The following ZFR variants were observed in gnomAD, a reference collection of about 807,000 sequenced individuals.
ZFR encodes the protein zinc finger RNA binding protein, also known as zinc finger RNA-binding protein.
ZFR carries 19 observed loss-of-function variants against 130.7 expected under a neutral mutation model. That is an observed-to-expected ratio of 0.15 (90% confidence interval 0.10 to 0.21). The LOEUF is 0.21. Among genes scored for constraint, ZFR ranks in the 10% least tolerant of loss-of-function variants. The pLI is 1.00. For synonymous variants in ZFR, 466 were observed against 456.9 expected (o/e 1.02, Z -0.25); for missense variants, 872 against 1,321.5 (o/e 0.66, Z 5.27).
chr5:32,370,600 C>T (rs759650641), intron 17 of ZFR, among the ~76,000 whole-genome samples: 53 of 152,242 alleles, frequency 3.5e-4, no homozygotes, highest in Non-Finnish European at 6.3e-4. Flanking sequence ...TGGTTTTGAA[C>T]TCCTGGCCTC....
chr5:32,421,772 C>T (rs1753964679), intron 2 of ZFR, among the ~76,000 whole-genome samples: 1 of 152,120 alleles, frequency 6.6e-6, no homozygotes, highest in Non-Finnish European at 1.5e-5. Flanking sequence ...CATAGAATTT[C>T]TATCTGGATG....
chr5:32,381,786 A>T (rs908700687), intron 15 of ZFR, among the ~76,000 whole-genome samples: 3 of 152,176 alleles, frequency 2.0e-5, no homozygotes, highest in Non-Finnish European at 2.9e-5. Flanking sequence ...CATTTAGAGG[A>T]AAGACAGATA....
rs7447187 is a variant in ZFR at position 32,411,714 on chromosome 5, G to C, written c.784+3255C>G. 1.1e-4 allele frequency among the ~76,000 whole-genome samples: 6 copies of C among 54,600 alleles called. 1 individual carries two copies. Among genetic ancestry groups the C allele is most frequent in the Non-Finnish European group, 1.7e-4 (5 of 29,902 alleles). The allele number at this position is 54,600 out of a possible 152,430, so 35.8% of individuals were successfully genotyped here. Reference sequence around the variant, plus strand: ...AAAAAAAAAAAAAAAAATTGAGGGGGGGCGGGGAATAGAAAATATAATACA... The same window carrying C: ...AAAAAAAAAAAAAAAAATTGAGGGGCGGCGGGGAATAGAAAATATAATACA... On this transcript the variant is annotated intron_variant, in intron 5 of 19. Transcript: ENST00000265069.
At chr5:32,407,234 A>C (rs1753597330) in intron 5 of ZFR, among the ~76,000 whole-genome samples, 1 of 151,896 alleles carries the variant, frequency 6.6e-6, no homozygotes, top group East Asian at 1.9e-4. Flanking sequence ...GGTGTTATAG[A>C]GGTATAAAGA....
chr5:32,438,922 C>T (rs13155643), intron 2 of ZFR, among the ~76,000 whole-genome samples: 46,652 of 151,992 alleles, frequency 0.31, 7,423 homozygotes, highest in Middle Eastern at 0.43. Context: ...CTTAGAGAAG[C>T]TGATACTTGG....
At chr5:32,400,904 A>C (rs1753435032) in intron 8 of ZFR, among the ~76,000 whole-genome samples, 1 of 152,224 alleles carries the variant, frequency 6.6e-6, no homozygotes, top group Non-Finnish European at 1.5e-5. Flanking sequence ...AATTAAAAAA[A>C]GTTAAGTTCA....
intron 14 of ZFR, among the ~76,000 whole-genome samples, chr5:32,387,239 T>C (rs912809612): frequency 2.0e-5 from 3 of 152,084 alleles, no homozygotes; most frequent in Admixed American, 6.6e-5. Flanking sequence ...AATCACTTTG[T>C]CCTAACAACT....
chr5:32,441,690 A>T (rs1203781886), intron 2 of ZFR, among the ~76,000 whole-genome samples: 2 of 152,088 alleles, frequency 1.3e-5, no homozygotes, highest in Non-Finnish European at 2.9e-5. Context: ...TCACCACCAC[A>T]CTTTTTGCAT....
chr5:32,355,276 A>T lies in ZFR; in HGVS notation c.*484T>A, dbSNP rs1237360638. Reference sequence around the variant, plus strand: ...AAAACAAACTCTGCAGTCTCACGTTACAAAAAAACGTACTGCTGTAAAATA... The same window carrying T: ...AAAACAAACTCTGCAGTCTCACGTTTCAAAAAAACGTACTGCTGTAAAATA... On this transcript the variant is annotated 3_prime_UTR_variant, in exon 20 of 20. Coordinates refer to ENST00000265069, the MANE Select transcript of ZFR (RefSeq NM_016107.5). The T allele has an allele frequency of 6.6e-6, 1 of 152,282 alleles. No homozygotes were observed. Among genetic ancestry groups the T allele is most frequent in the African/African-American group, 2.4e-5 (1 of 41,458 alleles). 9.4% of individuals were successfully genotyped at this position (152,282 alleles called of 1,614,324 possible).
intron 17 of ZFR, 137 bp downstream of exon 17, chr5:32,378,978 C>T: frequency 1.7e-6 from 1 of 590,466 alleles, no homozygotes; most frequent in Non-Finnish European, 2.9e-6. Flanking sequence ...AAGACTCCCC[C>T]AGGATTTTTC....
rs371146131 is a variant in ZFR, at chr5:32,429,818, T to C, written c.138-9715A>G. Among the ~76,000 whole-genome samples the C allele has an allele frequency of 3.9e-5, 6 of 152,236 alleles. No individual in the cohort carries two copies. The East Asian group carries it at 1.2e-3, about 29-fold the overall frequency. On this transcript the variant is annotated intron_variant, in intron 2 of 19. Transcript: ENST00000265069. The stretch of plus-strand genomic sequence containing the variant: ...GCGCAGTAGCTCATGCTTGTAATCC[T>C]GGCATTTTGGGAGGTCAAAGGGGGA...
chr5:32,428,734 T>C (rs1754132225), intron 2 of ZFR, among the ~76,000 whole-genome samples: 1 of 152,182 alleles, frequency 6.6e-6, no homozygotes, highest in Admixed American at 6.5e-5. Context: ...ATGTTGGTGT[T>C]AGTTCTCAGG....
intron 2 of ZFR, among the ~76,000 whole-genome samples, chr5:32,443,957 G>A (rs1029266229): frequency 1.3e-5 from 2 of 152,048 alleles, no homozygotes; most frequent in African/African-American, 2.4e-5. Flanking sequence ...TTAAGGGGCC[G>A]CTGAAGGGCC....
rs117924355 is a variant in ZFR, at chr5:32,405,395, G to A, written c.1033-1298C>T. On this transcript the variant is annotated intron_variant, in intron 6 of 19. Coordinates refer to ENST00000265069, the MANE Select transcript of ZFR (RefSeq NM_016107.5). ...TAACTCAATCTCAATGATATTTTTC[G>A]CTAAGGCTCATTAACCACCCCCTTA... 8.5e-5 allele frequency among the ~76,000 whole-genome samples: 13 copies of A among 152,108 alleles called. No individual in the cohort carries two copies. The East Asian group carries it at 1.9e-3, about 23-fold the overall frequency.
chr5:32,431,842 G>A (rs1465521961), intron 2 of ZFR, among the ~76,000 whole-genome samples: 1 of 150,894 alleles, frequency 6.6e-6, no homozygotes, highest in Non-Finnish European at 1.5e-5. Flanking sequence ...TTTTTGTTTT[G>A]TTTTTGTTTT....
chr5:32,426,395 GA>G lies in ZFR; in HGVS notation c.138-6293del, dbSNP rs74740582. On this transcript the variant is annotated intron_variant, in intron 2 of 19. Transcript: ENST00000265069. ...CAACATCCTTTTATGATTAAAAAAAGAAAAAAAAAAACCTCAACCAACTAGG... is the reference window on the plus strand; with the variant it reads ...CAACATCCTTTTATGATTAAAAAAAGAAAAAAAAAACCTCAACCAACTAGG... Among the ~76,000 whole-genome samples, 179 of 139,164 alleles carry G rather than the reference GA, an allele frequency of 1.3e-3. No homozygotes were observed. In the East Asian group the frequency reaches 0.016, roughly 13 times the overall value. 91.3% of individuals were successfully genotyped at this position (139,164 alleles called of 152,430 possible).
Position 32,387,551 on chromosome 5 carries a change from C to A in ZFR, c.2497G>T (p.Ala833Ser), listed in dbSNP as rs146415807. The change falls in exon 14 of 20, where the codon GCT becomes TCT. Residue 833 changes from alanine (A) to serine (S), a missense_variant and splice_region_variant. Coordinates refer to ENST00000265069, the MANE Select transcript of ZFR (RefSeq NM_016107.5). ...ATGAACATTTCCATAATACTTACAG[C>A]AAGCTGTTTGGGTAGGTTTTCTGCA... ...RIAENLPKQL[A>S]VISPEKYDIK... 102 of 1,611,698 alleles carry A rather than the reference C, an allele frequency of 6.3e-5. No homozygotes were observed. Among genetic ancestry groups the A allele is most frequent in the Non-Finnish European group, 8.2e-5 (97 of 1,178,980 alleles).
intron 15 of ZFR, chr5:32,383,935 C>T (rs1374961485): frequency 5.9e-6 from 2 of 337,370 alleles, no homozygotes; most frequent in African/African-American, 2.1e-5. Flanking sequence ...TTTTCCTCAT[C>T]ATAATATTTA....
At chr5:32,417,589 G>A (rs178935) in intron 4 of ZFR, 59 bp downstream of exon 4, 1,512,329 of 1,594,786 alleles carry the variant, frequency 0.95, 717,598 homozygotes, top group African/African-American at 0.98. Flanking sequence ...TTCATTAAAC[G>A]CAGTAAGTCA....
Sources: allele counts gnomAD v4.1 joint callset (sites outside exome capture counted in the v4.1 genomes callset), GRCh38; gene constraint gnomAD v4.1.1; transcripts MANE v1.5; gene names NCBI Gene and HGNC (gene_info 2026-07-23, HGNC 2026-07-21).